Variants in SRRM3 observed in about 807,000 individuals in gnomAD.
SRRM3 encodes the protein serine/arginine repetitive matrix 3.
A neutral mutation model predicts 66.2 loss-of-function variants in SRRM3; 27 were observed. The observed-to-expected ratio is 0.41, with a 90% CI of 0.30 to 0.56. SRRM3 has a LOEUF of 0.56. SRRM3 is among the 20% of genes least tolerant of loss of function. The pLI, the probability that SRRM3 is intolerant of heterozygous loss-of-function variation, is 0.32. For missense variants in SRRM3, 918 were observed against 991.9 expected (o/e 0.93, Z 1.00); for synonymous variants, 391 against 414.9 (o/e 0.94, Z 0.70).
At chr7:76,213,518 TGAGGCCCAGG>T (rs1351748393) in intron 1 of SRRM3, among the ~76,000 whole-genome samples, 8 of 152,296 alleles carry the variant, frequency 5.3e-5, no homozygotes, top group African/African-American at 1.9e-4. Flanking sequence ...CAAGGTACTG[TGAGGCCCAGG>T]GTGGCTGTTC....
At chr7:76,275,120 A>T (rs1373948518) in intron 11 of SRRM3, among the ~76,000 whole-genome samples, 1 of 151,468 alleles carries the variant, frequency 6.6e-6, no homozygotes, top group Admixed American at 6.6e-5. Context: ...AAAAAAAAAA[A>T]AGAAAAAGAA....
At chr7:76,248,966 C>A (rs1281982556) in intron 3 of SRRM3, among the ~76,000 whole-genome samples, 8 of 151,882 alleles carry the variant, frequency 5.3e-5, no homozygotes, top group Non-Finnish European at 1.2e-4. Flanking sequence ...GTCAACAGAG[C>A]GAGATTCCAT....
intron 3 of SRRM3, among the ~76,000 whole-genome samples, chr7:76,257,561 G>A: frequency 6.6e-6 from 1 of 151,888 alleles, no homozygotes. Context: ...TTGAGGCCAG[G>A]AGGTCAAGAC....
At position 76,260,187 on chromosome 7, in the gene SRRM3, C is replaced by A; in HGVS notation, c.535C>A (p.Arg179=). 6.5e-7 allele frequency: 1 copy of A among 1,540,458 alleles called. No homozygotes were observed. The highest frequency in any genetic ancestry group is 8.7e-7 in the Non-Finnish European group (1 of 1,144,274). The change falls in exon 5 of 15, where the codon CGG becomes AGG. Residue 179 remains arginine (R), a synonymous_variant. Coordinates refer to ENST00000611745, the MANE Select transcript of SRRM3 (RefSeq NM_001110199.3). ...KKKKKKKGGH[R]RSRKKRRLES... is the part of the protein sequence containing the mutation. ...AAAGAAGAAAAAGAAAGGCGGCCAC[C>A]GGAGAAGCCGGTGAGAACCGCGCCT... is the stretch of plus-strand genomic sequence containing the variant.
chr7:76,250,973 C>T (rs1307657706), intron 3 of SRRM3, among the ~76,000 whole-genome samples: 1 of 152,194 alleles, frequency 6.6e-6, no homozygotes, highest in Non-Finnish European at 1.5e-5. Context: ...AGGGTGGACC[C>T]TTTGCCTGGA....
intron 3 of SRRM3, among the ~76,000 whole-genome samples, chr7:76,248,514 C>T (rs924051716): frequency 6.6e-6 from 1 of 152,176 alleles, no homozygotes; most frequent in Admixed American, 6.5e-5. Flanking sequence ...CTCCTACCCT[C>T]CCTGGGTCCT....
At chr7:76,257,994 A>G (rs187592640) in intron 3 of SRRM3, among the ~76,000 whole-genome samples, 1 of 152,170 alleles carries the variant, frequency 6.6e-6, no homozygotes, top group Admixed American at 6.6e-5. Flanking sequence ...CTACCTCTAG[A>G]AAAAAAGAAG....
At chr7:76,234,995 C>T in intron 1 of SRRM3, 33 bp from the exon 2 acceptor site, 3 of 1,304,748 alleles carry the variant, frequency 2.3e-6, no homozygotes, top group Non-Finnish European at 3.1e-6. Context: ...GAAGAAGTGA[C>T]CATCCCGCCT....
At chr7:76,277,436 G>A (rs1008060347) in intron 11 of SRRM3, among the ~76,000 whole-genome samples, 9 of 152,106 alleles carry the variant, frequency 5.9e-5, no homozygotes, top group Non-Finnish European at 1.3e-4. Flanking sequence ...GCTCATGCCT[G>A]TAATTCCAGC....
intron 2 of SRRM3, among the ~76,000 whole-genome samples, chr7:76,247,361 C>T (rs1255100880): frequency 6.6e-6 from 1 of 151,606 alleles, no homozygotes; most frequent in African/African-American, 2.4e-5. Flanking sequence ...CCCTACAAGC[C>T]ACTTGGCAGC....
At chr7:76,274,881 G>A (rs753677710) in intron 11 of SRRM3, among the ~76,000 whole-genome samples, 31 of 152,340 alleles carry the variant, frequency 2.0e-4, no homozygotes, top group Admixed American at 1.0e-3. Context: ...CGAGGTGGGC[G>A]GATCACTTGA....
At chr7:76,257,443 TAAAAAAAAAAA>T (rs34478728) in intron 3 of SRRM3, among the ~76,000 whole-genome samples, 2 of 95,284 alleles carry the variant, frequency 2.1e-5, no homozygotes, top group Non-Finnish European at 4.0e-5. Flanking sequence ...CTTGTTCAAT[TAAAAAAAAAAA>T]AAAAAAAAAA....
chr7:76,250,926 T>C (rs900270477), intron 3 of SRRM3, among the ~76,000 whole-genome samples: 2 of 152,174 alleles, frequency 1.3e-5, no homozygotes, highest in African/African-American at 4.8e-5. Context: ...CCAGGGCCCC[T>C]GGCAGGCCTG....
intron 14 of SRRM3, chr7:76,283,598 C>T: frequency 2.1e-6 from 1 of 470,588 alleles, no homozygotes; most frequent in Non-Finnish European, 4.2e-6. Context: ...CTGGGAGATG[C>T]CCAAGTGAGC....
chr7:76,254,597 C>A (rs1351455003), intron 3 of SRRM3, among the ~76,000 whole-genome samples: 1 of 152,150 alleles, frequency 6.6e-6, no homozygotes, highest in Non-Finnish European at 1.5e-5. Context: ...GGATTACAGG[C>A]ACGAGCCACC....
At position 76,212,966 on chromosome 7, in the gene SRRM3, G is replaced by A. The variant is rs948647130; in HGVS notation, c.-40+10899G>A. Among the ~76,000 whole-genome samples the A allele has an allele frequency of 1.4e-4, 21 of 151,022 alleles. No homozygotes were observed. The East Asian group carries it at 2.3e-3, about 17-fold the overall frequency. ...CCAATCTGGGTGCCCTCGAGGGCCC[G>A]GTGCTGCTTCTTCCCTGGCCCACTT... is the stretch of plus-strand genomic sequence containing the variant. On this transcript the variant is annotated intron_variant, in intron 1 of 14. Transcript: ENST00000611745.
chr7:76,249,921 G>C (rs533728262), intron 3 of SRRM3, among the ~76,000 whole-genome samples: 23 of 152,082 alleles, frequency 1.5e-4, no homozygotes, highest in South Asian at 1.0e-3. Context: ...GCAGGAATGG[G>C]TAAAGGTCTC....
intron 1 of SRRM3, among the ~76,000 whole-genome samples, chr7:76,203,769 G>A (rs1325086037): frequency 6.6e-5 from 10 of 151,742 alleles, no homozygotes; most frequent in African/African-American, 1.5e-4. Context: ...AGCCACTCGC[G>A]CTGTCCTCCT....
At chr7:76,264,738 C>A in intron 8 of SRRM3, 27 bp from the exon 9 acceptor site, 1 of 1,613,238 alleles carries the variant, frequency 6.2e-7, no homozygotes, top group East Asian at 2.2e-5. Context: ...CGGGCCACAC[C>A]ATCACTGTGG....
Sources: gnomAD v4.1 joint callset for allele counts (sites outside exome capture counted in the v4.1 genomes callset) on GRCh38, gnomAD v4.1.1 for gene constraint, MANE v1.5 for transcripts, NCBI Gene and HGNC (gene_info 2026-07-23, HGNC 2026-07-21) for gene names.